REDIC1: variants seen among roughly 807,000 people sequenced by gnomAD.
The protein encoded by REDIC1 is regulator of DNA class I crossover intermediates 1.
At chr12:39,703,682 C>T in the REDIC1 span, among the ~76,000 whole-genome samples, 2 of 152,144 alleles carry the variant, frequency 1.3e-5, no homozygotes, top group African/African-American at 4.8e-5. Flanking sequence ...TCAAACTATA[C>T]TACAAGGCTA....
chr12:39,667,211 G>T, the REDIC1 span, among the ~76,000 whole-genome samples: 566 of 152,162 alleles, frequency 3.7e-3, 1 homozygote, highest in Non-Finnish European at 6.0e-3. Flanking sequence ...TTTAGTGCTA[G>T]AAATTTCCCT....
At chr12:39,801,339 TAAAAAAAAA>T in the REDIC1 span, among the ~76,000 whole-genome samples, 2 of 126,864 alleles carry the variant, frequency 1.6e-5, no homozygotes, top group African/African-American at 5.8e-5. Context: ...ATGAGGAAAT[TAAAAAAAAA>T]AAAAAAAAAA....
the REDIC1 span, among the ~76,000 whole-genome samples, chr12:39,744,102 A>G: frequency 6.6e-6 from 1 of 152,000 alleles, no homozygotes; most frequent in Admixed American, 6.5e-5. Context: ...ATCCAAAGCA[A>G]AAAAAAAGCA....
At chr12:39,836,365 A>G in the REDIC1 span, among the ~76,000 whole-genome samples, 1 of 152,130 alleles carries the variant, frequency 6.6e-6, no homozygotes, top group African/African-American at 2.4e-5. Context: ...TACTAGCTGC[A>G]GAGAAGAAAT....
At chr12:39,764,648 G>C in the REDIC1 span, 1 of 1,581,748 alleles carries the variant, frequency 6.3e-7, no homozygotes, top group Non-Finnish European at 8.6e-7. Context: ...TAGTAAAATA[G>C]CATGTAAGAA....
chr12:39,885,402 G>C, the REDIC1 span, among the ~76,000 whole-genome samples: 1 of 152,102 alleles, frequency 6.6e-6, no homozygotes, highest in Non-Finnish European at 1.5e-5. Context: ...CATCTAACAT[G>C]TAAGAAGTAC....
chr12:39,680,768 GCACACACA>G, the REDIC1 span, among the ~76,000 whole-genome samples: 1 of 149,704 alleles, frequency 6.7e-6, no homozygotes, highest in Non-Finnish European at 1.5e-5. Context: ...AAATACATAC[GCACACACA>G]CACACACACA....
chr12:39,901,135 T>C, the REDIC1 span, among the ~76,000 whole-genome samples: 2 of 152,182 alleles, frequency 1.3e-5, no homozygotes. Flanking sequence ...TGGCTAGCCA[T>C]ATGTAGAAAG....
At chr12:39,895,535 TATATATATATATATATAC>T in the REDIC1 span, among the ~76,000 whole-genome samples, 3 of 128,076 alleles carry the variant, frequency 2.3e-5, no homozygotes, top group Non-Finnish European at 3.3e-5. Context: ...TATATATATA[TATATATATATATATATAC>T]ACACACACAC....
the REDIC1 span, among the ~76,000 whole-genome samples, chr12:39,742,921 G>C: frequency 6.6e-6 from 1 of 152,094 alleles, no homozygotes; most frequent in South Asian, 2.1e-4. Context: ...AACAGTGCCT[G>C]GATAGGAAAA....
chr12:39,724,162 T>C, the REDIC1 span, among the ~76,000 whole-genome samples: 1 of 152,094 alleles, frequency 6.6e-6, no homozygotes, highest in Non-Finnish European at 1.5e-5. Flanking sequence ...CTGATGGGAA[T>C]TGGTGGTTAA....
the REDIC1 span, among the ~76,000 whole-genome samples, chr12:39,748,051 T>C: frequency 1.7e-3 from 256 of 152,252 alleles, no homozygotes; most frequent in African/African-American, 5.8e-3. Context: ...AACATCATAA[T>C]GACAGGATCA....
the REDIC1 span, among the ~76,000 whole-genome samples, chr12:39,775,102 C>T: frequency 6.6e-6 from 1 of 152,118 alleles, no homozygotes; most frequent in African/African-American, 2.4e-5. Context: ...TCAAGATGTA[C>T]TTTTCTCTGT....
At chr12:39,779,018 A>G in the REDIC1 span, among the ~76,000 whole-genome samples, 1 of 152,230 alleles carries the variant, frequency 6.6e-6, no homozygotes, top group Non-Finnish European at 1.5e-5. Context: ...CGTAGGTAAT[A>G]CATGCCTTTG....
chr12:39,662,718 G>T, the REDIC1 span, among the ~76,000 whole-genome samples: 1 of 152,032 alleles, frequency 6.6e-6, no homozygotes, highest in Non-Finnish European at 1.5e-5. Flanking sequence ...GTTCTTAAAA[G>T]AAAGGCTTTC....
chr12:39,780,813 A>G, the REDIC1 span, among the ~76,000 whole-genome samples: 2 of 152,196 alleles, frequency 1.3e-5, no homozygotes, highest in African/African-American at 4.8e-5. Flanking sequence ...TTTCTCTGAT[A>G]CAGTCATGAC....
At chr12:39,683,372 C>T in the REDIC1 span, 6 of 1,394,470 alleles carry the variant, frequency 4.3e-6, no homozygotes, top group Admixed American at 1.7e-5. Flanking sequence ...TGAAAATAGA[C>T]TATGCTAAAT....
At chr12:39,856,438 G>A in the REDIC1 span, among the ~76,000 whole-genome samples, 2 of 152,090 alleles carry the variant, frequency 1.3e-5, no homozygotes, top group African/African-American at 4.8e-5. Context: ...GCGTGATCTC[G>A]GCTCACTGTA....
At chr12:39,707,756 T>G in the REDIC1 span, among the ~76,000 whole-genome samples, 6 of 151,742 alleles carry the variant, frequency 4.0e-5, no homozygotes, top group Non-Finnish European at 7.4e-5. Flanking sequence ...TTTTAAAAAG[T>G]TTTTTTCTGG....
Sources: allele counts gnomAD v4.1 joint callset (sites outside exome capture counted in the v4.1 genomes callset), GRCh38; gene constraint gnomAD v4.1.1; transcripts MANE v1.5; gene names NCBI Gene and HGNC (gene_info 2026-07-23, HGNC 2026-07-21).